The following FAM81B variants were observed in gnomAD, a reference collection of about 807,000 sequenced individuals.
FAM81B encodes protein FAM81B.
In FAM81B, 60 loss-of-function variants were observed where a neutral mutation model predicts 58.7. The observed-to-expected ratio is 1.02, with a 90% CI of 0.83 to 1.27. The LOEUF (loss-of-function observed/expected upper bound fraction) is 1.27. Among genes scored for constraint, FAM81B ranks in the 50% most tolerant of loss-of-function variants. The pLI, the probability that FAM81B is intolerant of heterozygous loss-of-function variation, is 0.00. For missense variants in FAM81B, 491 were observed against 522.0 expected (o/e 0.94, Z 0.58); for synonymous variants, 189 against 179.6 (o/e 1.05, Z -0.42).
intron 3 of FAM81B, among the ~76,000 whole-genome samples, chr5:95,402,392 C>A (rs756735873): frequency 9.9e-5 from 15 of 152,080 alleles, no homozygotes; most frequent in Non-Finnish European, 1.6e-4. Context: ...CTTCATTAAA[C>A]CTTAAGAATT....
intron 5 of FAM81B, among the ~76,000 whole-genome samples, chr5:95,425,403 TCTC>T (rs1488984558): frequency 6.6e-6 from 1 of 152,130 alleles, no homozygotes; most frequent in Non-Finnish European, 1.5e-5. Flanking sequence ...ACCTCAGACT[TCTC>T]CACCTCAACC....
intron 1 of FAM81B, among the ~76,000 whole-genome samples, chr5:95,392,475 C>T (rs1056859641): frequency 1.3e-5 from 2 of 152,016 alleles, no homozygotes; most frequent in Admixed American, 6.6e-5. Flanking sequence ...ATGTTCTGCA[C>T]GTGTATCCCA....
chr5:95,424,276 C>T (rs1348358458), intron 5 of FAM81B: 2 of 1,229,572 alleles, frequency 1.6e-6, no homozygotes, highest in African/African-American at 3.1e-5. Flanking sequence ...CCCAGATAGA[C>T]AGAAGACAGA....
intron 7 of FAM81B, 75 bp downstream of exon 7, chr5:95,436,981 A>G: frequency 1.8e-6 from 2 of 1,137,638 alleles, no homozygotes; most frequent in Non-Finnish European, 2.6e-6. Context: ...ATTGGCATGA[A>G]ATAAAAACCT....
At chr5:95,433,957 A>G (rs1182628456) in intron 6 of FAM81B, among the ~76,000 whole-genome samples, 2 of 152,206 alleles carry the variant, frequency 1.3e-5, no homozygotes, top group Non-Finnish European at 2.9e-5. Context: ...CATGTAGAGT[A>G]GAACAAACTT....
chr5:95,405,018 C>T (rs1762208891), intron 3 of FAM81B, among the ~76,000 whole-genome samples: 1 of 152,090 alleles, frequency 6.6e-6, no homozygotes, highest in South Asian at 2.1e-4. Flanking sequence ...CAAGGGCTAC[C>T]ATTTACACTT....
rs190518374 is a variant in FAM81B, at chr5:95,447,917, G to A, written c.1030-352G>A. ...GGAATGGCGAGTCACTATTCTAGCC[G>A]AAGTCTGTCCACGTGGAGGTATGAA... is the stretch of plus-strand genomic sequence containing the variant. On this transcript the variant is annotated intron_variant, in intron 8 of 9. Coordinates refer to ENST00000283357, the MANE Select transcript of FAM81B (RefSeq NM_152548.3). 8.4e-4 allele frequency among the ~76,000 whole-genome samples: 128 copies of A among 152,278 alleles called. 2 individuals carry two copies. The highest frequency in any genetic ancestry group is 7.7e-3 in the Admixed American group (118 of 15,296).
At chr5:95,423,185 C>G (rs970176523) in intron 5 of FAM81B, among the ~76,000 whole-genome samples, 1 of 152,166 alleles carries the variant, frequency 6.6e-6, no homozygotes, top group Non-Finnish European at 1.5e-5. Flanking sequence ...AAACATTTTA[C>G]TGCTCCATAA....
At chr5:95,426,524 G>A (rs72781473) in intron 5 of FAM81B, among the ~76,000 whole-genome samples, 7,747 of 152,174 alleles carry the variant, frequency 0.051, 255 homozygotes, top group Non-Finnish European at 0.073. Flanking sequence ...AATGCTTTGC[G>A]TGCATCACCT....
At position 95,411,388 on chromosome 5, in the gene FAM81B, T is replaced by C. The variant is rs371324448; in HGVS notation, c.294-2559T>C. ...TAAAAGGAGATTTATTTTAGAAACA[T>C]ATAAAAACATGACAGAGCATTTCAC... On this transcript the variant is annotated intron_variant, in intron 3 of 9. Transcript: ENST00000283357. Among the ~76,000 whole-genome samples the C allele has an allele frequency of 7.0e-3, 630 of 90,450 alleles. 3 individuals carry two copies. Among genetic ancestry groups the C allele is most frequent in the South Asian group, 0.016 (56 of 3,604 alleles). The allele number at this position is 90,450 out of a possible 152,430, so 59.3% of individuals were successfully genotyped here. A position where few individuals can be genotyped will look rare whatever the true frequency, so the allele number is the denominator to read the frequency against.
At chr5:95,436,063 G>A (rs1396014929) in intron 6 of FAM81B, among the ~76,000 whole-genome samples, 1 of 152,190 alleles carries the variant, frequency 6.6e-6, no homozygotes, top group Non-Finnish European at 1.5e-5. Context: ...AGCCAATCAT[G>A]TAGTTTCATT....
At chr5:95,431,117 C>T (rs1213657800) in intron 6 of FAM81B, among the ~76,000 whole-genome samples, 3 of 152,064 alleles carry the variant, frequency 2.0e-5, no homozygotes, top group Non-Finnish European at 2.9e-5. Context: ...ATTGCAAATG[C>T]ATTTCCCCAG....
At chr5:95,442,274 T>G (rs533463615) in intron 7 of FAM81B, among the ~76,000 whole-genome samples, 1 of 152,266 alleles carries the variant, frequency 6.6e-6, no homozygotes, top group Non-Finnish European at 1.5e-5. Flanking sequence ...AGTGAAAAGC[T>G]AAACACAGGA....
At chr5:95,448,927 G>T in intron 9 of FAM81B, 1 of 275,358 alleles carries the variant, frequency 3.6e-6, no homozygotes, top group Non-Finnish European at 7.2e-6. Context: ...GCAGAGTCCA[G>T]TATAATGACT....
intron 7 of FAM81B, among the ~76,000 whole-genome samples, chr5:95,443,232 G>T (rs998466135): frequency 6.6e-6 from 1 of 151,844 alleles, no homozygotes; most frequent in Non-Finnish European, 1.5e-5. Context: ...TCTCTGCCTT[G>T]TGCCCTGCTA....
At chr5:95,401,104 T>C (rs981341338) in intron 3 of FAM81B, among the ~76,000 whole-genome samples, 17 of 152,150 alleles carry the variant, frequency 1.1e-4, no homozygotes, top group African/African-American at 4.1e-4. Flanking sequence ...TTTGGAACCT[T>C]TGTCAACCTT....
rs1196923227 is a variant in FAM81B at position 95,414,088 on chromosome 5, G to A, written c.435G>A (p.Gly145=). 1.2e-6 allele frequency: 2 copies of A among 1,614,050 alleles called. No individual in the cohort carries two copies. The highest frequency in any genetic ancestry group is 1.7e-6 in the Non-Finnish European group (2 of 1,180,006). ...IKEDISACLQ[G]THGFRKEESL... ...AGGACATCTCTGCTTGCCTGCAGGG[G>A]ACCCATGGCTTTCGAAAAGAGGAAT... The change falls in exon 4 of 10, where the codon GGG becomes GGA. Residue 145 remains glycine (G), a synonymous_variant. Coordinates refer to ENST00000283357, the MANE Select transcript of FAM81B (RefSeq NM_152548.3).
rs1255967652 is a variant in FAM81B, at chr5:95,429,962, G to GT, written c.786+1236dup. ...AATATCTAGAACCACCATATTGGTTGTTTTTTGGTTTGGGGATTTGTGTGA... is the reference window on the plus strand; with the variant it reads ...AATATCTAGAACCACCATATTGGTTGTTTTTTTGGTTTGGGGATTTGTGTGA... On this transcript the variant is annotated intron_variant, in intron 6 of 9. Coordinates refer to ENST00000283357, the MANE Select transcript of FAM81B (RefSeq NM_152548.3). Among the ~76,000 whole-genome samples the GT allele has an allele frequency of 3.3e-5, 5 of 152,234 alleles. No individual in the cohort carries two copies. The East Asian group carries it at 7.7e-4, about 23-fold the overall frequency.
At chr5:95,417,787 G>A (rs1762575633) in intron 4 of FAM81B, among the ~76,000 whole-genome samples, 1 of 152,144 alleles carries the variant, frequency 6.6e-6, no homozygotes, top group South Asian at 2.1e-4. Context: ...AAGATGAGAA[G>A]AGATGTATAC....
Sources: gnomAD v4.1 joint callset for allele counts (sites outside exome capture counted in the v4.1 genomes callset) on GRCh38, gnomAD v4.1.1 for gene constraint, MANE v1.5 for transcripts, NCBI Gene and HGNC (gene_info 2026-07-23, HGNC 2026-07-21) for gene names.